Variants in GLB1 observed in about 807,000 individuals in gnomAD.
The protein encoded by GLB1 is galactosidase beta 1.
Under a neutral mutation model 74.0 loss-of-function variants are expected in GLB1, and 56 were observed. The observed-to-expected ratio is 0.76, with a 90% CI of 0.61 to 0.94. The LOEUF is 0.94. Ranked by LOEUF, GLB1 falls within the 40% of genes least tolerant of loss-of-function variation. The probability of loss-of-function intolerance (pLI) is 0.00; values close to 1 mark genes in which losing one functional copy is unlikely to be tolerated. For missense variants in GLB1, 787 were observed against 845.5 expected, an observed-to-expected ratio of 0.93 and a Z score of 0.86; for synonymous variants, 323 against 323.6, an observed-to-expected ratio of 1.00 and a Z score of 0.02.
chr3:33,035,136 A>T (rs1332840049), intron 10 of GLB1, among the ~76,000 whole-genome samples: 2 of 151,836 alleles, frequency 1.3e-5, no homozygotes, highest in African/African-American at 4.8e-5. Context: ...TGATGTTTTT[A>T]AAAAAATGTT....
intron 13 of GLB1, among the ~76,000 whole-genome samples, chr3:33,018,142 C>T (rs764815805): frequency 2.0e-5 from 3 of 151,860 alleles, no homozygotes; most frequent in African/African-American, 4.8e-5. Context: ...AAACATTAGC[C>T]AGGCATGGTG....
chr3:33,009,077 C>T (rs1183385544), intron 15 of GLB1, among the ~76,000 whole-genome samples: 2 of 150,840 alleles, frequency 1.3e-5, no homozygotes, highest in Non-Finnish European at 2.9e-5. Context: ...CAAGATTGTG[C>T]CACTGTACTC....
Position 33,092,845 on chromosome 3 carries a change from G to A in GLB1, c.75+4166C>T, listed in dbSNP as rs202212082. 2.3e-5 allele frequency: 37 copies of A among 1,602,626 alleles called. No homozygotes were observed. The highest frequency in any genetic ancestry group is 1.7e-4 in the Middle Eastern group (1 of 5,930). On this transcript the variant is annotated intron_variant, in intron 1 of 15. Transcript: ENST00000307363. ...AGGGCAGGGCCAGTTCAGGGAGACCGCTGCAGGATGAGCTCTGTGATCTCG... is the reference window on the plus strand; with the variant it reads ...AGGGCAGGGCCAGTTCAGGGAGACCACTGCAGGATGAGCTCTGTGATCTCG...
intron 1 of GLB1, chr3:33,092,813 G>T: frequency 6.4e-7 from 1 of 1,570,494 alleles, no homozygotes; most frequent in East Asian, 2.3e-5. Flanking sequence ...GCAGGGCAGA[G>T]GTGCACAGGG....
rs181538476 is a variant in GLB1, at chr3:33,078,661, T to C, written c.76-5948A>G. ...AAAGAAAGGGAGTATTATTTGGAAA[T>C]GAAAGAACTTCAGAGGAATAATGGC... On this transcript the variant is annotated intron_variant, in intron 1 of 15. Coordinates refer to ENST00000307363, the MANE Select transcript of GLB1 (RefSeq NM_000404.4). 1.1e-3 allele frequency among the ~76,000 whole-genome samples: 172 copies of C among 152,272 alleles called. 5 individuals carry two copies. The South Asian group carries it at 0.034, about 30-fold the overall frequency.
At chr3:33,048,286 G>A (rs1698825250) in intron 9 of GLB1, among the ~76,000 whole-genome samples, 1 of 152,138 alleles carries the variant, frequency 6.6e-6, no homozygotes. Flanking sequence ...TAGTTCTACT[G>A]GCAGAATCTT....
intron 15 of GLB1, among the ~76,000 whole-genome samples, chr3:33,012,539 T>A (rs1331321617): frequency 6.6e-6 from 1 of 152,234 alleles, no homozygotes; most frequent in Admixed American, 6.5e-5. Flanking sequence ...TGCCCTGATA[T>A]TGAAGACTTC....
At chr3:33,045,778 A>G (rs1698716230) in intron 10 of GLB1, 1 of 1,170,980 alleles carries the variant, frequency 8.5e-7, no homozygotes, top group South Asian at 1.8e-5. Flanking sequence ...ACTTTTGGAA[A>G]GATAATCTGG....
In GLB1 at chr3:33,047,336, T is replaced by C. The variant is rs1184768284; in HGVS notation, c.956-1104A>G. ...CACAGGTATGAGGTTGTCTGCAACA[T>C]TGGGTGGTACTTCAAAAACTTACCC... is the stretch of plus-strand genomic sequence containing the variant. On this transcript the variant is annotated intron_variant, in intron 9 of 15. Coordinates refer to ENST00000307363, the MANE Select transcript of GLB1 (RefSeq NM_000404.4). 2.6e-5 allele frequency among the ~76,000 whole-genome samples: 4 copies of C among 152,148 alleles called. No homozygotes were observed. In the East Asian group the frequency reaches 5.8e-4, roughly 22 times the overall value.
At chr3:32,975,952 C>T in the GLB1 span, among the ~76,000 whole-genome samples, 1 of 152,230 alleles carries the variant, frequency 6.6e-6, no homozygotes. Context: ...AGTAAACTTC[C>T]TTCTAGAACT....
chr3:33,096,625 G>A (rs1479390633), intron 1 of GLB1: 18 of 1,066,400 alleles, frequency 1.7e-5, no homozygotes, highest in East Asian at 8.7e-5. Context: ...CTGGGAAAGC[G>A]AGGGCGCCCC....
intron 9 of GLB1, among the ~76,000 whole-genome samples, chr3:33,048,009 C>T (rs1266440499): frequency 6.6e-6 from 1 of 152,040 alleles, no homozygotes; most frequent in East Asian, 1.9e-4. Flanking sequence ...TTGTGGCCCT[C>T]GTCTGCTTCT....
chr3:33,015,587 G>A (rs1433331905), intron 14 of GLB1, among the ~76,000 whole-genome samples: 1 of 152,156 alleles, frequency 6.6e-6, no homozygotes, highest in Admixed American at 6.5e-5. Flanking sequence ...GTGGCTGTAT[G>A]TCAGGCTCTT....
At chr3:33,092,446 A>G in intron 1 of GLB1, 1 of 1,008,186 alleles carries the variant, frequency 9.9e-7, no homozygotes, top group Non-Finnish European at 1.2e-6. Context: ...TTAAAACACC[A>G]GGAGAAAAAT....
At chr3:33,068,314 T>C in intron 3 of GLB1, 24 bp from the exon 4 acceptor site, 1 of 1,613,932 alleles carries the variant, frequency 6.2e-7, no homozygotes, top group Admixed American at 1.7e-5. Context: ...AACAAGCCAT[T>C]ATAATGTCTG....
intron 1 of GLB1, among the ~76,000 whole-genome samples, chr3:33,079,784 T>A (rs1169982644): frequency 2.0e-5 from 3 of 151,290 alleles, no homozygotes; most frequent in Non-Finnish European, 4.4e-5. Context: ...GAGGAGAGAG[T>A]TTTTTGTTTT....
At position 33,093,828 on chromosome 3, in the gene GLB1, C is replaced by A; in HGVS notation, c.75+3183G>T. The A allele has an allele frequency of 6.2e-7, 1 of 1,613,522 alleles. No individual in the cohort carries two copies. The highest frequency in any genetic ancestry group is 8.5e-7 in the Non-Finnish European group (1 of 1,179,754). On this transcript the variant is annotated intron_variant, in intron 1 of 15. Coordinates refer to ENST00000307363, the MANE Select transcript of GLB1 (RefSeq NM_000404.4). The surrounding 1 kb of genome is among the most constrained non-coding windows in gnomAD (Gnocchi z 6.0). The stretch of plus-strand genomic sequence containing the variant: ...GAAGAAGAGCATGATGATGTAAGCA[C>A]CCAGGCAGGAGTAGGCCGCCAAGGA...
At chr3:33,090,490 T>C (rs982996215) in intron 1 of GLB1, 35 of 985,298 alleles carry the variant, frequency 3.6e-5, no homozygotes, top group South Asian at 4.7e-5. Context: ...ACAGACACTA[T>C]TGCTGATTTT....
the GLB1 span, among the ~76,000 whole-genome samples, chr3:32,961,502 G>T: frequency 6.6e-6 from 1 of 152,200 alleles, no homozygotes; most frequent in Non-Finnish European, 1.5e-5. Flanking sequence ...AGAGGAGGCA[G>T]GTTTGCCAAA....
Sources: allele counts gnomAD v4.1 joint callset (sites outside exome capture counted in the v4.1 genomes callset), GRCh38; gene constraint gnomAD v4.1.1; non-coding constraint Gnocchi (gnomAD v3.1); transcripts MANE v1.5; gene names NCBI Gene and HGNC (gene_info 2026-07-23, HGNC 2026-07-21).